The following TECPR2 variants were observed in gnomAD, a reference collection of about 807,000 sequenced individuals.
TECPR2 encodes the protein tectonin beta-propeller repeat-containing protein 2.
TECPR2 carries 65 observed loss-of-function variants against 138.1 expected under a neutral mutation model. That is an observed-to-expected ratio of 0.47 (90% CI 0.39 to 0.58). The LOEUF (loss-of-function observed/expected upper bound fraction) is 0.58. Ranked by LOEUF, TECPR2 falls within the 20% of genes least tolerant of loss-of-function variation. TECPR2 has a pLI of 0.00. For synonymous variants in TECPR2, 746 were observed against 749.8 expected (o/e 0.99, Z 0.08); for missense variants, 1,553 against 1,824.5 (o/e 0.85, Z 2.71).
At chr14:102,408,944 A>G (rs1250175509) in intron 4 of TECPR2, among the ~76,000 whole-genome samples, 1 of 152,202 alleles carries the variant, frequency 6.6e-6, no homozygotes, top group East Asian at 1.9e-4. Flanking sequence ...AACTGTGGAC[A>G]AGTCAGTGAT....
chr14:102,392,758 A>G (rs1342216618), intron 2 of TECPR2, among the ~76,000 whole-genome samples: 1 of 152,122 alleles, frequency 6.6e-6, no homozygotes, highest in East Asian at 1.9e-4. Flanking sequence ...GGACTGCTCC[A>G]CAGATGGGGT....
At chr14:102,446,147 G>A (rs1367959738) in intron 13 of TECPR2, among the ~76,000 whole-genome samples, 200 bp downstream of exon 13, 1 of 152,088 alleles carries the variant, frequency 6.6e-6, no homozygotes, top group Non-Finnish European at 1.5e-5. Flanking sequence ...GCTCACTGCA[G>A]TCTTGACTTC....
intron 1 of TECPR2, among the ~76,000 whole-genome samples, chr14:102,376,390 A>G (rs1488779589): frequency 6.6e-6 from 1 of 152,178 alleles, no homozygotes; most frequent in Non-Finnish European, 1.5e-5. Flanking sequence ...CTTGGGAGTA[A>G]GAACTGTTTT....
intron 5 of TECPR2, among the ~76,000 whole-genome samples, 186 bp from the exon 6 acceptor site, chr14:102,424,793 G>T (rs3818318): frequency 6.6e-6 from 1 of 152,154 alleles, no homozygotes; most frequent in Non-Finnish European, 1.5e-5. Context: ...GGGTGTGGTC[G>T]GGCCTCTGTT....
chr14:102,411,335 TCCAC>T (rs1241580845), intron 4 of TECPR2, among the ~76,000 whole-genome samples: 1 of 152,214 alleles, frequency 6.6e-6, no homozygotes, highest in Middle Eastern at 3.2e-3. Flanking sequence ...CCCTGTGACT[TCCAC>T]GTACGTATAC....
At chr14:102,437,183 C>T (rs906596354) in intron 9 of TECPR2, 19 of 984,862 alleles carry the variant, frequency 1.9e-5, no homozygotes, top group Non-Finnish European at 2.3e-5. Context: ...TGTACAAATA[C>T]ATTTATCTTC....
rs77069836 is a variant in TECPR2 at position 102,483,985 on chromosome 14, C to T, written c.3790-12994C>T. ...CTGATTCTTATATTTTCAGTAGAGA[C>T]AAGGTTTCACCATGTTTGCCAGGCT... On this transcript the variant is annotated intron_variant, in intron 17 of 19. Coordinates refer to ENST00000359520, the MANE Select transcript of TECPR2 (RefSeq NM_014844.5). 1.2e-4 allele frequency among the ~76,000 whole-genome samples: 2 copies of T among 16,332 alleles called. 1 individual carries two copies. The highest frequency in any genetic ancestry group is 2.2e-4 in the Non-Finnish European group (2 of 8,978). The allele number at this position is 16,332 out of a possible 152,430, so 10.7% of individuals were successfully genotyped here. A position where few individuals can be genotyped will look rare whatever the true frequency, so the allele number is the denominator to read the frequency against.
At chr14:102,440,227 G>A (rs551154119) in intron 10 of TECPR2, among the ~76,000 whole-genome samples, 18 of 152,280 alleles carry the variant, frequency 1.2e-4, no homozygotes, top group East Asian at 3.9e-4. Flanking sequence ...GCTTGGAGAC[G>A]GGCGGTGACA....
chr14:102,438,860 TTTC>T (rs201288329), intron 10 of TECPR2, among the ~76,000 whole-genome samples: 2 of 150,366 alleles, frequency 1.3e-5, no homozygotes, highest in Non-Finnish European at 3.0e-5. Context: ...TCTTTCTTTC[TTTC>T]TTTTTTTTTT....
chr14:102,397,466 G>A (rs918433058), intron 2 of TECPR2, among the ~76,000 whole-genome samples: 4 of 152,186 alleles, frequency 2.6e-5, no homozygotes, highest in African/African-American at 4.8e-5. Context: ...AAGATGTGGC[G>A]CTGGGGGCGG....
intron 4 of TECPR2, among the ~76,000 whole-genome samples, chr14:102,411,626 C>G (rs1038043066): frequency 7.0e-6 from 1 of 143,772 alleles, no homozygotes; most frequent in Non-Finnish European, 1.5e-5. Context: ...GGCCCCACCC[C>G]TATCTCCCTC....
chr14:102,445,670 C>A, intron 12 of TECPR2, 136 bp from the exon 13 acceptor site: 1 of 1,104,566 alleles, frequency 9.1e-7, no homozygotes, highest in Non-Finnish European at 1.3e-6. Context: ...CCTTCCCTGG[C>A]ACCTGCTGAT....
rs539919946 is a variant in TECPR2, at chr14:102,407,567, G to C, written c.348+101G>C. ...TCTGCTTAGAAAGTTTATGCTCAGAGAAAGCCGGGCACGACTTTCTCTGCC... is the reference window on the plus strand; with the variant it reads ...TCTGCTTAGAAAGTTTATGCTCAGACAAAGCCGGGCACGACTTTCTCTGCC... On this transcript the variant is annotated intron_variant, in intron 3 of 19. Coordinates refer to ENST00000359520, the MANE Select transcript of TECPR2 (RefSeq NM_014844.5). 42 of 1,438,628 alleles carry C rather than the reference G, an allele frequency of 2.9e-5. No homozygotes were observed. The African/African-American group carries it at 6.1e-4, about 21-fold the overall frequency. 89.1% of individuals were successfully genotyped at this position (1,438,628 alleles called of 1,614,324 possible). A position where few individuals can be genotyped will look rare whatever the true frequency, so the allele number is the denominator to read the frequency against.
intron 2 of TECPR2, among the ~76,000 whole-genome samples, chr14:102,392,746 C>T (rs373900577): frequency 3.3e-5 from 5 of 152,048 alleles, no homozygotes; most frequent in African/African-American, 1.2e-4. Context: ...GGACCTGGAT[C>T]GGGACTGCTC....
At chr14:102,432,426 T>A (rs1188632827) in intron 8 of TECPR2, among the ~76,000 whole-genome samples, 4 of 152,138 alleles carry the variant, frequency 2.6e-5, no homozygotes, top group Non-Finnish European at 5.9e-5. Context: ...TTATATTATT[T>A]ATTTATTTTT....
At chr14:102,373,808 C>A (rs1049564754) in intron 1 of TECPR2, among the ~76,000 whole-genome samples, 1 of 152,014 alleles carries the variant, frequency 6.6e-6, no homozygotes, top group African/African-American at 2.4e-5. Context: ...AGGCTGGGCG[C>A]GATGGCTCAC....
At chr14:102,476,214 A>G (rs1428691873) in intron 17 of TECPR2, among the ~76,000 whole-genome samples, 1 of 150,364 alleles carries the variant, frequency 6.7e-6, no homozygotes, top group African/African-American at 2.4e-5. Context: ...CTCAAAAAAA[A>G]AAAAAAAAAA....
intron 4 of TECPR2, among the ~76,000 whole-genome samples, chr14:102,413,393 T>A (rs910187607): frequency 2.7e-4 from 41 of 150,870 alleles, no homozygotes; most frequent in East Asian, 2.1e-3. Flanking sequence ...ATATATATAT[T>A]TTTTGAGACA....
Position 102,497,661 on chromosome 14 carries a change from C to A in TECPR2, c.4023C>A (p.Asp1341Glu). The A allele has an allele frequency of 6.2e-7, 1 of 1,609,200 alleles. No individual in the cohort carries two copies. The highest frequency in any genetic ancestry group is 8.5e-7 in the Non-Finnish European group (1 of 1,178,412). ...GDLARRYGVT[D>E]KNPAGDYWKK... ...TCGCCCGGCGGTACGGCGTCACAGA[C>A]AAGAACCCCGCCGGGGACTACTGGA... The change falls in exon 19 of 20, where the codon GAC (aspartate) becomes GAA (glutamate). Residue 1341 changes from aspartate (D) to glutamate (E), a missense_variant. Transcript: ENST00000359520.
Sources: allele counts gnomAD v4.1 joint callset (sites outside exome capture counted in the v4.1 genomes callset), GRCh38; gene constraint gnomAD v4.1.1; transcripts MANE v1.5; gene names NCBI Gene and HGNC (gene_info 2026-07-23, HGNC 2026-07-21).